Variants in EIF4E3 observed in about 807,000 individuals in gnomAD.
EIF4E3 encodes eukaryotic translation initiation factor 4E family member 3.
EIF4E3 carries 26 observed loss-of-function variants against 31.7 expected under a neutral mutation model. The observed-to-expected ratio is 0.82, with a 90% CI of 0.60 to 1.14. EIF4E3 has a LOEUF of 1.14. Ranked by LOEUF, EIF4E3 falls within the 50% of genes most tolerant of loss-of-function variation. EIF4E3 has a pLI of 0.00. For missense variants in EIF4E3, 304 were observed against 270.9 expected, an observed-to-expected ratio of 1.12 and a Z score of -0.86; for synonymous variants, 128 against 107.7, an observed-to-expected ratio of 1.19 and a Z score of -1.17.
chr3:71,752,161 G>A (rs544266648), intron 1 of EIF4E3, among the ~76,000 whole-genome samples: 1 of 152,296 alleles, frequency 6.6e-6, no homozygotes, highest in South Asian at 2.1e-4. Flanking sequence ...AGTAAGGTCA[G>A]CAGACCAACA....
In EIF4E3 at chr3:71,725,242, A is replaced by G; in HGVS notation, c.126T>C (p.Pro42=). The change falls in exon 1 of 7, where the codon CCT becomes CCC. Residue 42 remains proline, a synonymous_variant. Transcript: ENST00000425534. This position sits in a 1 kb window ranked among gnomAD's most constrained non-coding sequence, Gnocchi z 6.1. ...LGLQQLSALQ[P]EPGGVPLHSS... ...AGTGCAGCGGGACCCCGCCCGGCTC[A>G]GGCTGCAGCGCCGACAGCTGCTGCA... is the stretch of plus-strand genomic sequence containing the variant. 1 of 1,117,964 alleles carries G rather than the reference A, an allele frequency of 8.9e-7. No homozygotes were observed. The highest frequency in any genetic ancestry group is 1.1e-6 in the Non-Finnish European group (1 of 910,638). The allele number at this position is 1,117,964 out of a possible 1,614,324, so 69.3% of individuals were successfully genotyped here.
At chr3:71,723,174 T>C (rs538957330) in intron 1 of EIF4E3, among the ~76,000 whole-genome samples, 2 of 152,316 alleles carry the variant, frequency 1.3e-5, no homozygotes, top group Non-Finnish European at 2.9e-5. Flanking sequence ...CTCACCAGTC[T>C]CTAGAATGTT....
At chr3:71,738,515 T>C (rs2049787027) in intron 1 of EIF4E3, among the ~76,000 whole-genome samples, 1 of 152,154 alleles carries the variant, frequency 6.6e-6, no homozygotes, top group African/African-American at 2.4e-5. Context: ...AGTAGCTATA[T>C]AAATATCAAA....
intron 1 of EIF4E3, among the ~76,000 whole-genome samples, chr3:71,724,664 AAGAGG>A (rs2049602923): frequency 6.6e-6 from 1 of 152,188 alleles, no homozygotes; most frequent in South Asian, 2.1e-4. Context: ...GAAGAACTGG[AAGAGG>A]AGTCCACGGC....
chr3:71,733,638 C>A (rs2049730212), intron 1 of EIF4E3, among the ~76,000 whole-genome samples: 1 of 152,110 alleles, frequency 6.6e-6, no homozygotes, highest in African/African-American at 2.4e-5. Context: ...GGGAGCTCAC[C>A]TTTGAGGTCC....
chr3:71,725,175 GC>G lies in EIF4E3; in HGVS notation c.176+16del. 4.6e-6 allele frequency: 5 copies of G among 1,081,818 alleles called. No homozygotes were observed. Among genetic ancestry groups the G allele is most frequent in the South Asian group, 3.5e-5 (1 of 28,696 alleles). 67.0% of individuals were successfully genotyped at this position (1,081,818 alleles called of 1,614,324 possible). A position where few individuals can be genotyped will look rare whatever the true frequency, so the allele number is the denominator to read the frequency against. On this transcript the variant is annotated intron_variant, in intron 1 of 6. Coordinates refer to ENST00000425534, the MANE Select transcript of EIF4E3 (RefSeq NM_001134651.2). The surrounding 1 kb of genome is among the most constrained non-coding windows in gnomAD (Gnocchi z 6.1). ...CCCGGGTCGGGGCCGTGCGCGGCGG[GC>G]CCCGCGCCCCCTCACCTGTCGAGCC...
At position 71,738,978 on chromosome 3, in the gene EIF4E3, G is replaced by GTATATATATATATATATATATATATATA. The variant is rs56982495; in HGVS notation, c.-290-10383_-290-10356dup. 9.4e-4 allele frequency among the ~76,000 whole-genome samples: 90 copies of GTATATATATATATATATATATATATATA among 95,780 alleles called. 1 individual carries two copies. The highest frequency in any genetic ancestry group is 2.1e-3 in the African/African-American group (41 of 19,750). The allele number at this position is 95,780 out of a possible 152,430, so 62.8% of individuals were successfully genotyped here. On this transcript the variant is annotated intron_variant, in intron 1 of 7. Transcript: ENST00000295612. Reference sequence around the variant, plus strand: ...TTTCCAAATGCCTGAAAATTGAACAGTATATATATATATATATATATATAT... The same window carrying GTATATATATATATATATATATATATATA: ...TTTCCAAATGCCTGAAAATTGAACAGTATATATATATATATATATATATATATATATATATATATATATATATATATAT...
intron 4 of EIF4E3, 117 bp downstream of exon 4, chr3:71,696,343 C>T (rs148884167): frequency 1.9e-6 from 2 of 1,053,678 alleles, no homozygotes; most frequent in African/African-American, 1.6e-5. Context: ...TTCTCACCCC[C>T]AGCCTGTTTG....
chr3:71,725,910 G>C (rs1027129138), upstream of EIF4E3, among the ~76,000 whole-genome samples: 1 of 152,146 alleles, frequency 6.6e-6, no homozygotes, highest in Non-Finnish European at 1.5e-5. This position sits in a 1 kb window ranked among gnomAD's most constrained non-coding sequence, Gnocchi z 6.1. Context: ...AGAGAAGGAG[G>C]GATGGAGGGC....
At chr3:71,710,630 T>A (rs1189582612) in intron 1 of EIF4E3, 146 bp from the exon 2 acceptor site, 2 of 715,330 alleles carry the variant, frequency 2.8e-6, no homozygotes, top group East Asian at 2.9e-5. Flanking sequence ...AGTTGGAATT[T>A]AAAATGTGAA....
Position 71,681,569 on chromosome 3 carries a change from T to G in EIF4E3, c.*3113A>C, listed in dbSNP as rs1256066159. On this transcript the variant is annotated 3_prime_UTR_variant, in exon 7 of 7. Coordinates refer to ENST00000425534, the MANE Select transcript of EIF4E3 (RefSeq NM_001134651.2). ...CAGATTGGATCAGATATTTAATGCT[T>G]GATTAGGGTGGCTAGTGGGCAGGTT... 4 of 152,182 alleles carry G rather than the reference T, an allele frequency of 2.6e-5. No individual in the cohort carries two copies. Among genetic ancestry groups the G allele is most frequent in the Non-Finnish European group, 5.9e-5 (4 of 68,050 alleles). 9.4% of individuals were successfully genotyped at this position (152,182 alleles called of 1,614,324 possible). A position where few individuals can be genotyped will look rare whatever the true frequency, so the allele number is the denominator to read the frequency against.
chr3:71,753,034 G>C (rs138913504), intron 1 of EIF4E3, among the ~76,000 whole-genome samples: 1 of 152,310 alleles, frequency 6.6e-6, no homozygotes, highest in Non-Finnish European at 1.5e-5. Flanking sequence ...CCGGGATCAC[G>C]GATGAGTTAG....
rs1559595291 is a variant in EIF4E3, at chr3:71,699,672, T to A, written c.286A>T (p.Thr96Ser). The change falls in exon 3 of 7, where the codon ACT becomes TCT. Residue 96 changes from threonine to serine, a missense_variant. Physicochemically the swap from Thr to Ser is moderately conservative, Grantham distance 58. Transcript: ENST00000425534. ...TAACTACATCTCAAAGGCAGGCTAG[T>A]CACAGGAGGGATATTATTGTATACA... is the stretch of plus-strand genomic sequence containing the variant. ...WSVYNNIPPV[T>S]SLPLRCSYHL... The A allele has an allele frequency of 6.2e-7, 1 of 1,613,614 alleles. No individual in the cohort carries two copies. Among genetic ancestry groups the A allele is most frequent in the Non-Finnish European group, 8.5e-7 (1 of 1,179,868 alleles).
chr3:71,696,399 T>C (rs897480708), intron 4 of EIF4E3, 61 bp downstream of exon 4: 2 of 1,591,364 alleles, frequency 1.3e-6, no homozygotes, highest in African/African-American at 2.7e-5. Flanking sequence ...AAAATGCTGA[T>C]GACAGGCAGT....
chr3:71,734,179 C>T (rs1578384077), intron 1 of EIF4E3, among the ~76,000 whole-genome samples: 1 of 152,122 alleles, frequency 6.6e-6, no homozygotes, highest in Non-Finnish European at 1.5e-5. Context: ...GTATCTTATT[C>T]CCAGAGGCTA....
chr3:71,695,152 A>G (rs923641799), intron 4 of EIF4E3, among the ~76,000 whole-genome samples: 1 of 152,104 alleles, frequency 6.6e-6, no homozygotes, highest in African/African-American at 2.4e-5. Context: ...CTATCTGTCC[A>G]GCTACACTCC....
chr3:71,754,135 T>C, upstream of EIF4E3: 1 of 1,451,574 alleles, frequency 6.9e-7, no homozygotes. This position sits in a 1 kb window ranked among gnomAD's most constrained non-coding sequence, Gnocchi z 5.8. Flanking sequence ...AGCCTGCTGC[T>C]GTGCGTGAGC....
chr3:71,677,521 C>A lies in EIF4E3; in HGVS notation c.*7161G>T, dbSNP rs539763498. The A allele has an allele frequency of 6.6e-6, 1 of 151,798 alleles. No homozygotes were observed. The highest frequency in any genetic ancestry group is 1.5e-5 in the Non-Finnish European group (1 of 67,960). 9.4% of individuals were successfully genotyped at this position (151,798 alleles called of 1,614,324 possible). A position where few individuals can be genotyped will look rare whatever the true frequency, so the allele number is the denominator to read the frequency against. On this transcript the variant is annotated 3_prime_UTR_variant, in exon 7 of 7. Coordinates refer to ENST00000425534, the MANE Select transcript of EIF4E3 (RefSeq NM_001134651.2). ...CACATTCCAAAAAGTGCATCAATAA[C>A]GACTAGATGATAAAGTACACACAGA...
At chr3:71,699,101 C>A (rs970643581) in intron 3 of EIF4E3, among the ~76,000 whole-genome samples, 4 of 152,010 alleles carry the variant, frequency 2.6e-5, no homozygotes, top group Non-Finnish European at 5.9e-5. Flanking sequence ...GTGGCACACA[C>A]CTGTAGTCTC....
Sources: gnomAD v4.1 joint callset for allele counts (sites outside exome capture counted in the v4.1 genomes callset) on GRCh38, gnomAD v4.1.1 for gene constraint, Gnocchi (gnomAD v3.1) non-coding constraint, MANE v1.5 for transcripts, NCBI Gene and HGNC (gene_info 2026-07-23, HGNC 2026-07-21) for gene names.